MXRA5: variants seen among roughly 807,000 people sequenced by gnomAD.
MXRA5 encodes the protein matrix remodeling associated 5.
A neutral mutation model predicts 112.5 loss-of-function variants in MXRA5; 41 were observed. That is an observed-to-expected ratio of 0.36 (90% CI 0.28 to 0.47). MXRA5 has a LOEUF of 0.47. Ranked by LOEUF, MXRA5 falls within the 20% of genes least tolerant of loss-of-function variation. MXRA5 has a pLI of 0.99. For synonymous variants in MXRA5, 862 were observed against 900.8 expected (o/e 0.96, Z 0.77); for missense variants, 2,150 against 2,251.0 (o/e 0.96, Z 0.91).
In MXRA5 at chrX:3,330,380, C is replaced by T. The variant is rs369662508; in HGVS notation, c.347G>A (p.Arg116Lys). The T allele has an allele frequency of 4.2e-6, 5 of 1,197,838 alleles. No homozygotes were observed. The African/African-American group carries it at 7.1e-5, about 17-fold the overall frequency. ...QVFKFSYNKL[R>K]VITGQTLQGL... ...CTGGAGGGTCTGTCCTGTGATCACT[C>T]TCAGCTTGTTGTAGCTGAACTTGAA... Residue 116 changes from arginine to lysine, a missense_variant, in exon 4 of 7, where the codon AGA becomes AAA. Coordinates refer to ENST00000217939, the MANE Select transcript of MXRA5 (RefSeq NM_015419.4).
In MXRA5 at chrX:3,330,142, A is replaced by G. The variant is rs753590325; in HGVS notation, c.585T>C (p.Val195=). The change falls in exon 4 of 7, where the codon GTT becomes GTC. Residue 195 remains valine (V), a synonymous_variant. Transcript: ENST00000217939. ...GAAGCATGCTGGCAGGAAGAGTTCTAACCATGTTCTCTGCTAAGTAGAGGT... is the reference window on the plus strand; with the variant it reads ...GAAGCATGCTGGCAGGAAGAGTTCTGACCATGTTCTCTGCTAAGTAGAGGT... The part of the protein sequence containing the change: ...IRHLYLAENM[V]RTLPASMLRN... 1 of 1,209,512 alleles carries G rather than the reference A, an allele frequency of 8.3e-7. No individual in the cohort carries two copies. Among genetic ancestry groups the G allele is most frequent in the East Asian group, 3.0e-5 (1 of 33,805 alleles).
intron 4 of MXRA5, among the ~76,000 whole-genome samples, chrX:3,329,137 C>G (rs1244432793): frequency 1.5e-4 from 8 of 53,521 alleles, no homozygotes; most frequent in African/African-American, 3.2e-4. Flanking sequence ...AAGGTGGGAA[C>G]CAGAGAAGGA....
chrX:3,335,775 T>C (rs758558085), intron 2 of MXRA5, among the ~76,000 whole-genome samples: 28 of 112,571 alleles, frequency 2.5e-4, no homozygotes, highest in Admixed American at 5.6e-4. Flanking sequence ...CTCTTTAAAT[T>C]GATTTTCTGC....
chrX:3,342,411 C>G (rs919292055), intron 2 of MXRA5, among the ~76,000 whole-genome samples: 1 of 111,996 alleles, frequency 8.9e-6, no homozygotes, highest in African/African-American at 3.2e-5. Flanking sequence ...AGCACCTCTT[C>G]CCTTTTTCTT....
In MXRA5 at chrX:3,325,037, T is replaced by C. The variant is rs1048506668; in HGVS notation, c.710-62A>G. ...GCCAAAGAATGGCATGCCTTGCACA[T>C]GGCCAGAGGATAAAGCCTATGTTTG... On this transcript the variant is annotated intron_variant, in intron 4 of 6. Transcript: ENST00000217939. 1.4e-5 allele frequency: 15 copies of C among 1,085,859 alleles called. No individual in the cohort carries two copies. The Admixed American group carries it at 4.7e-4, about 34-fold the overall frequency. 89.5% of individuals were successfully genotyped at this position (1,085,859 alleles called of 1,213,427 possible). A position where few individuals can be genotyped will look rare whatever the true frequency, so the allele number is the denominator to read the frequency against.
intron 4 of MXRA5, among the ~76,000 whole-genome samples, chrX:3,327,160 T>C (rs1921532662): frequency 9.1e-6 from 1 of 110,118 alleles, no homozygotes; most frequent in Non-Finnish European, 1.9e-5. Flanking sequence ...TACTGCTTCA[T>C]CTATGACTTG....
chrX:3,317,967 A>G lies in MXRA5; in HGVS notation c.5714T>C (p.Phe1905Ser), dbSNP rs1187254430. 3 of 1,206,831 alleles carry G rather than the reference A, an allele frequency of 2.5e-6. No homozygotes were observed. Among genetic ancestry groups the G allele is most frequent in the Non-Finnish European group, 3.4e-6 (3 of 892,810 alleles). ...TAAGGTACCGTTCTTGAGAACCTCA[A>G]ACCGTTGTATCCTGGTATTCGGAGT... Reference protein sequence around the residue: ...LMTPNTRIQRFEVLKNGTLVI... With the variant: ...LMTPNTRIQRSEVLKNGTLVI... The change falls in exon 6 of 7, where the codon TTT becomes TCT. Residue 1905 changes from phenylalanine to serine, a missense_variant. Phe to Ser is a radical substitution (Grantham distance 155). This residue lies in a region of MXRA5 where 1,485 missense variants were observed against 1,471.6 expected (regional missense o/e 1.01). Transcript: ENST00000217939.
intron 2 of MXRA5, among the ~76,000 whole-genome samples, chrX:3,332,248 T>C (rs1278697708): frequency 9.0e-6 from 1 of 110,813 alleles, no homozygotes; most frequent in Non-Finnish European, 1.9e-5. Context: ...TGCATTCTTC[T>C]TCTTTTTTTT....
At chrX:3,328,588 G>A (rs1029625346) in intron 4 of MXRA5, among the ~76,000 whole-genome samples, 28 of 111,219 alleles carry the variant, frequency 2.5e-4, no homozygotes, top group Non-Finnish European at 2.8e-4. Flanking sequence ...AGGACATGGG[G>A]ACACTTGTTT....
intron 4 of MXRA5, among the ~76,000 whole-genome samples, chrX:3,329,784 G>A (rs1263468950): frequency 9.0e-6 from 1 of 111,704 alleles, no homozygotes; most frequent in Non-Finnish European, 1.9e-5. Context: ...CTGATTACAT[G>A]AGCACTACAT....
At chrX:3,311,729 AGCTCAG>A (rs1920993374) in intron 6 of MXRA5, 105 bp from the exon 7 acceptor site, 2 of 652,666 alleles carry the variant, frequency 3.1e-6, no homozygotes, top group Admixed American at 6.4e-5. Flanking sequence ...GTGATGCATC[AGCTCAG>A]GTGGCTGCTA....
At chrX:3,339,919 T>C (rs1921875441) in intron 2 of MXRA5, among the ~76,000 whole-genome samples, 1 of 112,123 alleles carries the variant, frequency 8.9e-6, no homozygotes, top group African/African-American at 3.2e-5. Flanking sequence ...GAAATGTTTA[T>C]GGCAGACAAT....
chrX:3,341,094 G>A (rs377262542), intron 2 of MXRA5, among the ~76,000 whole-genome samples: 2,265 of 13,576 alleles, frequency 0.17, no homozygotes, highest in Non-Finnish European at 0.29. Flanking sequence ...TACATAATAT[G>A]TTATACATAA....
At position 3,330,411 on chromosome X, in the gene MXRA5, G is replaced by C. The variant is rs1168994335; in HGVS notation, c.319-3C>G. The C allele has an allele frequency of 8.4e-7, 1 of 1,187,565 alleles. No homozygotes were observed. Among genetic ancestry groups the C allele is most frequent in the Admixed American group, 2.4e-5 (1 of 41,686 alleles). On this transcript the variant is annotated splice_region_variant and splice_polypyrimidine_tract_variant and intron_variant, in intron 3 of 6. Transcript: ENST00000217939. Reference sequence around the variant, plus strand: ...TTGTTGTAGCTGAACTTGAAAACCTGCAAGGACAGGGGAAAACAAAACAAA... The same window carrying C: ...TTGTTGTAGCTGAACTTGAAAACCTCCAAGGACAGGGGAAAACAAAACAAA...
chrX:3,331,066 C>T (rs1921654310), intron 2 of MXRA5, among the ~76,000 whole-genome samples: 1 of 111,066 alleles, frequency 9.0e-6, no homozygotes, highest in African/African-American at 3.3e-5. Context: ...CTATCCCTGG[C>T]TAATTTTTTA....
intron 1 of MXRA5, among the ~76,000 whole-genome samples, chrX:3,346,091 T>C (rs1922102473): frequency 9.0e-6 from 1 of 111,368 alleles, no homozygotes; most frequent in Non-Finnish European, 1.9e-5. Context: ...GGAAAGAGGC[T>C]CCTCAAGCGT....
chrX:3,326,862 C>T (rs184174825), intron 4 of MXRA5, among the ~76,000 whole-genome samples: 12 of 111,429 alleles, frequency 1.1e-4, no homozygotes, highest in African/African-American at 3.6e-4. Context: ...ACCATCCACC[C>T]GCCAGTGATG....
intron 2 of MXRA5, among the ~76,000 whole-genome samples, chrX:3,332,735 T>C (rs1921697183): frequency 8.9e-6 from 1 of 112,108 alleles, no homozygotes; most frequent in African/African-American, 3.2e-5. Flanking sequence ...TGGTTCTCTC[T>C]TCTTGATTAC....
chrX:3,310,263 A>C lies in MXRA5; in HGVS notation c.7940T>G (p.Val2647Gly), dbSNP rs370922812. Residue 2647 changes from valine (V) to glycine (G), a missense_variant, in exon 7 of 7, where the codon GTC (valine) becomes GGC (glycine). Transcript: ENST00000217939. ...PEANKQYHNL[V>G]SIINGETLKL... ...CAGGGTCTCACCATTGATGATGCTG[A>C]CCAGGTTATGATACTGCTTGTTTGC... 4.4e-5 allele frequency: 53 copies of C among 1,209,163 alleles called. No homozygotes were observed. Among genetic ancestry groups the C allele is most frequent in the Non-Finnish European group, 5.9e-5 (53 of 894,901 alleles).
Sources: allele counts gnomAD v4.1 joint callset (sites outside exome capture counted in the v4.1 genomes callset), GRCh38; gene constraint gnomAD v4.1.1; regional missense constraint gnomAD v4.1.1; transcripts MANE v1.5; gene names NCBI Gene and HGNC (gene_info 2026-07-23, HGNC 2026-07-21).